Variants in DMD observed in about 807,000 individuals in gnomAD.
The protein encoded by DMD is mutant dystrophin.
In DMD, 63 loss-of-function variants were observed where a neutral mutation model predicts 330.1. The observed-to-expected ratio is 0.19, with a 90% CI of 0.16 to 0.24. The LOEUF is 0.24. Ranked by LOEUF, DMD falls within the 10% of genes least tolerant of loss-of-function variation. The pLI, the probability that DMD is intolerant of heterozygous loss-of-function variation, is 1.00. For synonymous variants in DMD, 1,223 were observed against 959.8 expected (o/e 1.27, Z -5.07); for missense variants, 3,344 against 2,684.1 (o/e 1.25, Z -5.43).
At chrX:33,317,971 A>G (rs138359310) in intron 1 of DMD, among the ~76,000 whole-genome samples, 46 of 111,617 alleles carry the variant, frequency 4.1e-4, no homozygotes, top group African/African-American at 1.4e-3. Flanking sequence ...AAAGGAGCAT[A>G]TAGCTTTGAT....
chrX:32,316,324 T>A (rs1443956176), intron 41 of DMD, among the ~76,000 whole-genome samples: 1 of 112,116 alleles, frequency 8.9e-6, no homozygotes, highest in Admixed American at 9.5e-5. Flanking sequence ...CTTTCAAAAA[T>A]TTTTCTTTCC....
chrX:32,411,636 G>T, intron 30 of DMD, 116 bp downstream of exon 30: 1 of 858,066 alleles, frequency 1.2e-6, no homozygotes, highest in Non-Finnish European at 1.7e-6. Flanking sequence ...TCAAATCAGT[G>T]AATCAAAACA....
At chrX:32,097,160 G>A (rs778880421) in intron 44 of DMD, among the ~76,000 whole-genome samples, 145 of 110,882 alleles carry the variant, frequency 1.3e-3, no homozygotes, top group African/African-American at 4.6e-3. Flanking sequence ...GTACACATGT[G>A]CCATAGTGGT....
intron 1 of DMD, among the ~76,000 whole-genome samples, chrX:33,108,970 T>C (rs1309516390): frequency 1.9e-5 from 2 of 107,460 alleles, no homozygotes; most frequent in South Asian, 8.2e-4. Context: ...AGAATTATAG[T>C]ATCAATTTTA....
At chrX:31,266,064 T>A (rs1259244325) in intron 62 of DMD, among the ~76,000 whole-genome samples, 1 of 103,248 alleles carries the variant, frequency 9.7e-6, no homozygotes, top group African/African-American at 3.6e-5. Flanking sequence ...CGTGCTGGGA[T>A]TGGGAGTGAC....
chrX:32,335,351 C>G (rs1192833332), intron 41 of DMD, among the ~76,000 whole-genome samples: 1 of 105,891 alleles, frequency 9.4e-6, no homozygotes, highest in Non-Finnish European at 1.9e-5. Flanking sequence ...CAAGCAACTG[C>G]CAGCAAGCCT....
At chrX:32,049,025 GAAAC>G (rs1334900771) in intron 44 of DMD, among the ~76,000 whole-genome samples, 2 of 110,927 alleles carry the variant, frequency 1.8e-5, no homozygotes, top group South Asian at 3.8e-4. Flanking sequence ...AGAACGAGAA[GAAAC>G]AAACAAACAA....
intron 44 of DMD, among the ~76,000 whole-genome samples, chrX:32,026,127 C>T (rs183603646): frequency 2.7e-5 from 3 of 111,690 alleles, no homozygotes; most frequent in African/African-American, 9.8e-5. Flanking sequence ...TGGTTAAATA[C>T]ATTTATATGA....
intron 17 of DMD, among the ~76,000 whole-genome samples, chrX:32,527,453 T>A (rs1372521340): frequency 1.8e-5 from 2 of 110,659 alleles, no homozygotes; most frequent in East Asian, 5.8e-4. Context: ...GACCTACTAT[T>A]CATCTTCCAA....
At chrX:32,427,698 A>G (rs2098218810) in intron 29 of DMD, among the ~76,000 whole-genome samples, 2 of 110,507 alleles carry the variant, frequency 1.8e-5, no homozygotes, top group African/African-American at 3.3e-5. Context: ...GAGTTTGTTG[A>G]TGACTGGAAT....
intron 71 of DMD, 76 bp downstream of exon 71, chrX:31,177,856 A>G: frequency 1.1e-6 from 1 of 917,108 alleles, no homozygotes; most frequent in Non-Finnish European, 1.6e-6. Context: ...AAACAAACAA[A>G]TAAACAGAAC....
chrX:31,951,159 G>GTATGTATATA (rs1557025629), intron 45 of DMD, among the ~76,000 whole-genome samples: 1,589 of 71,581 alleles, frequency 0.022, 56 homozygotes, highest in African/African-American at 0.072. Context: ...ATATATATAT[G>GTATGTATATA]TATATATATA....
chrX:32,599,259 G>C (rs2055912215), intron 12 of DMD, among the ~76,000 whole-genome samples: 1 of 111,106 alleles, frequency 9.0e-6, no homozygotes, highest in Non-Finnish European at 1.9e-5. Context: ...GCAACGTTCA[G>C]GGTTTACTTT....
chrX:32,242,396 G>A (rs2097212009), intron 43 of DMD, among the ~76,000 whole-genome samples: 1 of 111,712 alleles, frequency 9.0e-6, no homozygotes, highest in South Asian at 3.7e-4. Context: ...ACTCATGTTG[G>A]AAATAAAGCC....
rs368744016 is a variant in DMD at position 31,223,105 on chromosome X, G to A, written c.9303C>T (p.Val3101=). 31 of 1,208,700 alleles carry A rather than the reference G, an allele frequency of 2.6e-5. No individual in the cohort carries two copies. The highest frequency in any genetic ancestry group is 3.5e-5 in the Non-Finnish European group (31 of 894,089). ...LYQSLADLNN[V]RFSAYRTAMK... The stretch of plus-strand genomic sequence containing the variant: ...TGGCAGTCCTATAAGCTGAGAATCT[G>A]ACATTATTCAGGTCAGCTGAAAAGA... Residue 3101 remains valine (V), a synonymous_variant, in exon 64 of 79, where the codon GTC becomes GTT. Transcript: ENST00000357033.
intron 55 of DMD, chrX:31,508,059 A>C (rs757637165): frequency 2.4e-6 from 1 of 414,253 alleles, no homozygotes; most frequent in East Asian, 4.4e-5. Context: ...TACATTTATT[A>C]GTTTTGATTT....
chrX:32,283,930 A>G (rs1192186741), intron 43 of DMD, among the ~76,000 whole-genome samples: 1 of 111,462 alleles, frequency 9.0e-6, no homozygotes, highest in Non-Finnish European at 1.9e-5. Flanking sequence ...AATGAGCGAC[A>G]CACAGCAAGA....
Position 33,135,965 on chromosome X carries a change from C to T in DMD, c.31+75317G>A, listed in dbSNP as rs112613845. ...TAGCAAAATTATAGGCAACTATTAC[C>T]TTTATTGTGTTTTTCTGTATTCTAC... On this transcript the variant is annotated intron_variant, in intron 1 of 78. Coordinates refer to ENST00000357033, the MANE Select transcript of DMD (RefSeq NM_004006.3). 6.8e-3 allele frequency among the ~76,000 whole-genome samples: 761 copies of T among 111,297 alleles called. 8 individuals are homozygous for T. The highest frequency in any genetic ancestry group is 0.023 in the African/African-American group (691 of 30,663).
chrX:32,728,232 G>C (rs141319761), intron 7 of DMD, among the ~76,000 whole-genome samples: 1 of 111,265 alleles, frequency 9.0e-6, no homozygotes, highest in Non-Finnish European at 1.9e-5. Flanking sequence ...CAAATTTCTT[G>C]TTAGGAAGCT....
Sources: gnomAD v4.1 joint callset for allele counts (sites outside exome capture counted in the v4.1 genomes callset) on GRCh38, gnomAD v4.1.1 for gene constraint, MANE v1.5 for transcripts, NCBI Gene and HGNC (gene_info 2026-07-23, HGNC 2026-07-21) for gene names.